Variants in COL21A1 observed in about 807,000 individuals in gnomAD.
COL21A1 encodes the protein collagen alpha-1(XXI) chain.
In COL21A1, 149 loss-of-function variants were observed where a neutral mutation model predicts 137.9. The ratio of observed to expected loss-of-function variants is 1.08; its 90% confidence interval spans 0.95 to 1.24. COL21A1 has a LOEUF of 1.24. COL21A1 is among the 50% of genes most tolerant of loss of function. The pLI, the probability that COL21A1 is intolerant of heterozygous loss-of-function variation, is 0.00. For missense variants in COL21A1, 1,167 were observed against 1,158.4 expected (o/e 1.01, Z -0.11); for synonymous variants, 456 against 391.5 (o/e 1.16, Z -1.95).
chr6:56,288,242 A>T (rs950365992), intron 1 of COL21A1, among the ~76,000 whole-genome samples: 12 of 61,226 alleles, frequency 2.0e-4, no homozygotes, highest in African/African-American at 4.0e-4. Flanking sequence ...ATTACATTTT[A>T]AAAAAATAAA....
chr6:56,176,351 A>C (rs1777468842), intron 3 of COL21A1, among the ~76,000 whole-genome samples: 1 of 152,214 alleles, frequency 6.6e-6, no homozygotes, highest in Middle Eastern at 3.4e-3. Flanking sequence ...GAAGTGGGAT[A>C]AAATATTTGC....
intron 1 of COL21A1, among the ~76,000 whole-genome samples, chr6:56,346,888 C>A (rs569489865): frequency 2.0e-5 from 3 of 152,264 alleles, no homozygotes; most frequent in African/African-American, 7.2e-5. Context: ...GAGCCTCTAT[C>A]CTCTGCGAGG....
intron 1 of COL21A1, among the ~76,000 whole-genome samples, chr6:56,353,917 A>G (rs931928690): frequency 2.0e-5 from 3 of 152,230 alleles, no homozygotes; most frequent in Non-Finnish European, 4.4e-5. Flanking sequence ...TTAAATTTAA[A>G]TATCACACTC....
At position 56,215,791 on chromosome 6, in the gene COL21A1, C is replaced by T. The variant is rs185789887; in HGVS notation, c.-39+31596G>A. ...TTTAACAGCAAAATTTGCAAAAGCA[C>T]GAGTGGAAAAACAAGTGATTGTTAT... On this transcript the variant is annotated intron_variant, in intron 1 of 29. Coordinates refer to ENST00000244728, the MANE Select transcript of COL21A1 (RefSeq NM_030820.4). 4.6e-5 allele frequency among the ~76,000 whole-genome samples: 7 copies of T among 152,090 alleles called. No homozygotes were observed. In the East Asian group the frequency reaches 5.8e-4, roughly 13 times the overall value.
intron 1 of COL21A1, among the ~76,000 whole-genome samples, chr6:56,232,069 A>T (rs1293635271): frequency 6.6e-6 from 1 of 151,890 alleles, no homozygotes. Context: ...GCCAAGTGGG[A>T]TGGCAAGAGA....
At chr6:56,059,056 CA>C (rs35645134) in intron 29 of COL21A1, 108 bp downstream of exon 29, 1 of 826,742 alleles carries the variant, frequency 1.2e-6, no homozygotes. Context: ...GTGAATCACT[CA>C]AAAAAGAAAA....
In COL21A1 at chr6:56,057,180, A is replaced by G. The variant is rs1225115496; in HGVS notation, c.*477T>C. The G allele has an allele frequency of 5.1e-6, 1 of 197,204 alleles. No individual in the cohort carries two copies. The highest frequency in any genetic ancestry group is 2.4e-5 in the African/African-American group (1 of 41,670). 12.2% of individuals were successfully genotyped at this position (197,204 alleles called of 1,614,324 possible). ...ACTGTAGTAAATGAGTAGTTCACCA[A>G]TACTGTCTATCCCAGGTGAATATCA... On this transcript the variant is annotated 3_prime_UTR_variant, in exon 30 of 30. Transcript: ENST00000244728.
intron 1 of COL21A1, among the ~76,000 whole-genome samples, chr6:56,360,807 T>G (rs1282484864): frequency 1.3e-5 from 2 of 152,192 alleles, no homozygotes; most frequent in Admixed American, 6.5e-5. Context: ...GATTTAAATA[T>G]TAACCAAATA....
At chr6:56,323,889 G>A (rs571271089) in intron 1 of COL21A1, among the ~76,000 whole-genome samples, 9 of 152,172 alleles carry the variant, frequency 5.9e-5, no homozygotes, top group African/African-American at 2.2e-4. Context: ...AACTATATAA[G>A]GAGCTACACA....
intron 1 of COL21A1, among the ~76,000 whole-genome samples, chr6:56,245,780 A>C (rs1269722030): frequency 6.6e-6 from 1 of 152,182 alleles, no homozygotes; most frequent in Non-Finnish European, 1.5e-5. Context: ...ACCACTATCT[A>C]AATTTCCCCC....
intron 12 of COL21A1, among the ~76,000 whole-genome samples, chr6:56,134,522 G>A (rs560988733): frequency 6.6e-6 from 1 of 152,258 alleles, no homozygotes; most frequent in South Asian, 2.1e-4. Flanking sequence ...AAGACTTTGG[G>A]GTACTGTTGG....
chr6:56,128,996 C>T (rs1196431932), intron 12 of COL21A1, among the ~76,000 whole-genome samples: 1 of 152,150 alleles, frequency 6.6e-6, no homozygotes, highest in Non-Finnish European at 1.5e-5. Context: ...TCCCTCCTCT[C>T]CCCAGGCTAG....
chr6:56,148,573 T>C (rs1009652729), intron 10 of COL21A1, among the ~76,000 whole-genome samples: 2 of 152,178 alleles, frequency 1.3e-5, no homozygotes, highest in Non-Finnish European at 2.9e-5. Context: ...TTAATCTTCA[T>C]GGCATTCAGC....
chr6:56,151,830 A>T (rs1478268804), intron 10 of COL21A1, among the ~76,000 whole-genome samples: 5 of 152,242 alleles, frequency 3.3e-5, no homozygotes, highest in Non-Finnish European at 7.4e-5. Context: ...CCTTGAACAC[A>T]TACTAATGAC....
chr6:56,232,502 A>T (rs1781629684), intron 1 of COL21A1, among the ~76,000 whole-genome samples: 1 of 151,832 alleles, frequency 6.6e-6, no homozygotes, highest in Non-Finnish European at 1.5e-5. Flanking sequence ...AAAGCAGGAG[A>T]TTCATGAGGT....
intron 1 of COL21A1, among the ~76,000 whole-genome samples, chr6:56,255,312 G>T (rs970314960): frequency 6.7e-6 from 1 of 149,194 alleles, no homozygotes; most frequent in Admixed American, 6.8e-5. Context: ...TAACCTTCTA[G>T]AGTGATCACT....
At chr6:56,189,569 C>T (rs565636362) in intron 1 of COL21A1, among the ~76,000 whole-genome samples, 123 of 152,238 alleles carry the variant, frequency 8.1e-4, no homozygotes, top group Non-Finnish European at 1.5e-3. Flanking sequence ...AGGAGAACTT[C>T]CCCAACCTAG....
At chr6:56,173,257 A>C (rs938050402) in intron 3 of COL21A1, among the ~76,000 whole-genome samples, 1 of 152,144 alleles carries the variant, frequency 6.6e-6, no homozygotes, top group African/African-American at 2.4e-5. Context: ...ATGTGCCTGT[A>C]GTCTCAGCTA....
chr6:56,386,920 G>C (rs539642919), intron 1 of COL21A1, among the ~76,000 whole-genome samples: 8 of 152,334 alleles, frequency 5.3e-5, no homozygotes, highest in Non-Finnish European at 8.8e-5. Flanking sequence ...TTGAAAGAAA[G>C]GGAGAAGTGA....
Sources: allele counts gnomAD v4.1 joint callset (sites outside exome capture counted in the v4.1 genomes callset), GRCh38; gene constraint gnomAD v4.1.1; transcripts MANE v1.5; gene names NCBI Gene and HGNC (gene_info 2026-07-23, HGNC 2026-07-21).